The following NT5M variants were observed in gnomAD, a reference collection of about 807,000 sequenced individuals.
The protein encoded by NT5M is 5',3'-nucleotidase, mitochondrial.
Under a neutral mutation model 22.2 loss-of-function variants are expected in NT5M, and 22 were observed. The ratio of observed to expected loss-of-function variants is 0.99; its 90% CI spans 0.71 to 1.41. NT5M has a LOEUF of 1.41. Ranked by LOEUF, NT5M falls within the 40% of genes most tolerant of loss-of-function variation. The pLI, the probability that NT5M is intolerant of heterozygous loss-of-function variation, is 0.00. For synonymous variants in NT5M, 167 were observed against 133.0 expected (o/e 1.26, Z -1.76); for missense variants, 322 against 314.8 (o/e 1.02, Z -0.17).
At chr17:17,323,302 A>G in intron 3 of NT5M, 57 bp downstream of exon 3, 3 of 1,434,900 alleles carry the variant, frequency 2.1e-6, no homozygotes, top group South Asian at 1.2e-5. Context: ...GGTGAGGGGT[A>G]CGGGGCTCAG....
rs150247995 is a variant in NT5M at position 17,318,876 on chromosome 17, G to A, written c.369-4309G>A. ...GAAAACATGATACTGAGTGAAAGAA[G>A]CCAGACACAGAAGGCCACGTATTGT... On this transcript the variant is annotated intron_variant, in intron 2 of 4. Coordinates refer to ENST00000389022, the MANE Select transcript of NT5M (RefSeq NM_020201.4). Among the ~76,000 whole-genome samples, 859 of 149,676 alleles carry A rather than the reference G, an allele frequency of 5.7e-3. 12 individuals carry two copies. Among genetic ancestry groups the A allele is most frequent in the African/African-American group, 0.02 (818 of 40,830 alleles).
intron 3 of NT5M, among the ~76,000 whole-genome samples, chr17:17,323,499 G>T (rs1194407728): frequency 1.3e-5 from 2 of 152,244 alleles, no homozygotes; most frequent in African/African-American, 2.4e-5. Context: ...TGAAGGGTGA[G>T]AACCATGCCT....
intron 2 of NT5M, among the ~76,000 whole-genome samples, chr17:17,317,460 A>AT (rs1170968033): frequency 1.3e-5 from 2 of 152,214 alleles, no homozygotes; most frequent in Non-Finnish European, 2.9e-5. Context: ...GTCATTAGGG[A>AT]AATGCAAGTC....
At chr17:17,319,841 A>C (rs1369925478) in intron 2 of NT5M, among the ~76,000 whole-genome samples, 1 of 151,998 alleles carries the variant, frequency 6.6e-6, no homozygotes, top group Non-Finnish European at 1.5e-5. Flanking sequence ...TTTTTTAAAT[A>C]TTTCTTTCTT....
At chr17:17,325,828 G>A (rs752742074) in intron 3 of NT5M, among the ~76,000 whole-genome samples, 1 of 152,120 alleles carries the variant, frequency 6.6e-6, no homozygotes, top group Non-Finnish European at 1.5e-5. Context: ...ACGAGGCCTC[G>A]GCCCAGAAGT....
intron 2 of NT5M, among the ~76,000 whole-genome samples, chr17:17,318,594 T>A (rs2049084054): frequency 6.6e-6 from 1 of 150,500 alleles, no homozygotes; most frequent in Non-Finnish European, 1.5e-5. Context: ...GAGACCAGCC[T>A]TACCAACATG....
At chr17:17,306,744 C>A in intron 2 of NT5M, 101 bp downstream of exon 2, 1 of 835,028 alleles carries the variant, frequency 1.2e-6, no homozygotes, top group South Asian at 1.4e-5. Context: ...TCCTTTCTCT[C>A]TCCTTGGCCC....
chr17:17,316,034 C>T (rs2049020474), intron 2 of NT5M, among the ~76,000 whole-genome samples: 3 of 151,270 alleles, frequency 2.0e-5, no homozygotes, highest in Admixed American at 1.3e-4. Context: ...GGATTACAGG[C>T]ATGAGCCACC....
chr17:17,323,664 G>A (rs1285220864), intron 3 of NT5M, among the ~76,000 whole-genome samples: 1 of 152,238 alleles, frequency 6.6e-6, no homozygotes, highest in African/African-American at 2.4e-5. Context: ...TTGGGAACTT[G>A]CAGTTGCCAA....
intron 1 of NT5M, among the ~76,000 whole-genome samples, 180 bp from the exon 2 acceptor site, chr17:17,306,363 A>G (rs932351604): frequency 1.6e-4 from 25 of 152,092 alleles, no homozygotes; most frequent in African/African-American, 6.0e-4. Flanking sequence ...CCTTTCTGGA[A>G]AGGGGTTCGA....
chr17:17,340,808 G>A (rs1479698994), intron 3 of NT5M, among the ~76,000 whole-genome samples: 1 of 152,098 alleles, frequency 6.6e-6, no homozygotes, highest in Non-Finnish European at 1.5e-5. Context: ...TACAGTGTGA[G>A]CCACCGCGCC....
chr17:17,303,785 G>C lies in NT5M; in HGVS notation c.235G>C (p.Glu79Gln). The C allele has an allele frequency of 2.6e-6, 4 of 1,568,604 alleles. No individual in the cohort carries two copies. Among genetic ancestry groups the C allele is most frequent in the African/African-American group, 1.4e-5 (1 of 71,542 alleles). The change falls in exon 1 of 5, where the codon GAG becomes CAG. Residue 79 changes from glutamate (E) to glutamine (Q), a missense_variant. Glu to Gln is a conservative substitution (Grantham distance 29, BLOSUM62 2). Transcript: ENST00000389022. ...GGACCGGCGCGGCTTCTGGGTGTCG[G>C]AGCAGTACGGCCGCCTGCGGCCAGG... ...LEDRRGFWVSEQYGRLRPGLS... is the reference protein window; with the variant it reads ...LEDRRGFWVSQQYGRLRPGLS...
At chr17:17,325,595 G>A (rs995560603) in intron 3 of NT5M, among the ~76,000 whole-genome samples, 3 of 152,188 alleles carry the variant, frequency 2.0e-5, no homozygotes, top group African/African-American at 7.2e-5. Context: ...GCTCCTTTCA[G>A]TTCCATGCAG....
At chr17:17,305,407 C>T (rs1019377883) in intron 1 of NT5M, among the ~76,000 whole-genome samples, 12 of 130,306 alleles carry the variant, frequency 9.2e-5, no homozygotes, top group Admixed American at 5.4e-4. Flanking sequence ...CCCCCCCCCC[C>T]GCCCCCACAC....
intron 2 of NT5M, among the ~76,000 whole-genome samples, chr17:17,311,253 G>A (rs1028207434): frequency 4.0e-5 from 6 of 151,752 alleles, no homozygotes; most frequent in African/African-American, 9.7e-5. Flanking sequence ...CAGGAGAATC[G>A]CGTGAACCTG....
intron 3 of NT5M, among the ~76,000 whole-genome samples, chr17:17,331,290 G>A (rs747104466): frequency 5.8e-5 from 7 of 120,368 alleles, no homozygotes; most frequent in Non-Finnish European, 1.1e-4. Context: ...GGCCCATACC[G>A]TGTTTATTTT....
intron 2 of NT5M, among the ~76,000 whole-genome samples, chr17:17,312,761 C>G (rs1379382443): frequency 6.6e-6 from 1 of 151,442 alleles, no homozygotes; most frequent in Non-Finnish European, 1.5e-5. Flanking sequence ...GAGTTTGAGA[C>G]CAGCCTGGGC....
In NT5M at chr17:17,346,942, T is replaced by C. The variant is rs1010268940; in HGVS notation, c.682T>C (p.Cys228Arg). 1 of 1,611,128 alleles carries C rather than the reference T, an allele frequency of 6.2e-7. No individual in the cohort carries two copies. The highest frequency in any genetic ancestry group is 1.7e-5 in the Admixed American group (1 of 60,010). The change falls in exon 5 of 5, where the codon TGC becomes CGC. Residue 228 changes from cysteine (C) to arginine (R), a missense_variant. By Grantham distance (180) the Cys-to-Arg change is radical (BLOSUM62 -3). Coordinates refer to ENST00000389022, the MANE Select transcript of NT5M (RefSeq NM_020201.4). ...WKAILDSKRP[C>R] ...GGCCATTCTGGACAGCAAGCGGCCC[T>C]GCTGAGCTGGACTGTGCTTCGGGCT...
intron 2 of NT5M, among the ~76,000 whole-genome samples, chr17:17,320,134 G>A (rs1478826640): frequency 6.6e-6 from 1 of 152,210 alleles, no homozygotes; most frequent in Non-Finnish European, 1.5e-5. Context: ...GAGCCACCAC[G>A]CCCAGCCTCC....
Sources: allele counts gnomAD v4.1 joint callset (sites outside exome capture counted in the v4.1 genomes callset), GRCh38; gene constraint gnomAD v4.1.1; transcripts MANE v1.5; gene names NCBI Gene and HGNC (gene_info 2026-07-23, HGNC 2026-07-21).